The following PLVAP variants were observed in gnomAD, a reference collection of about 807,000 sequenced individuals.
PLVAP encodes the protein plasmalemma vesicle associated protein, also known as plasmalemma vesicle-associated protein.
In PLVAP, 34 loss-of-function variants were observed where a neutral mutation model predicts 43.1. The observed-to-expected ratio is 0.79, with a 90% CI of 0.60 to 1.05. The LOEUF is 1.05. Among genes scored for constraint, PLVAP ranks in the 50% least tolerant of loss-of-function variants. PLVAP has a pLI of 0.00. For synonymous variants in PLVAP, 241 were observed against 237.3 expected (o/e 1.02, Z -0.14); for missense variants, 574 against 593.4 (o/e 0.97, Z 0.34).
At position 17,377,234 on chromosome 19, in the gene PLVAP, G is replaced by A. The variant is rs199848268; in HGVS notation, c.55C>T (p.Arg19Trp). The A allele has an allele frequency of 3.3e-5, 54 of 1,613,974 alleles. No homozygotes were observed. The highest frequency in any genetic ancestry group is 3.3e-5 in the South Asian group (3 of 91,084). The change falls in exon 1 of 6, where the codon CGG becomes TGG. Residue 19 changes from arginine (R) to tryptophan (W), a missense_variant. Physicochemically the swap from Arg to Trp is moderately radical, Grantham distance 101. Coordinates refer to ENST00000252590, the MANE Select transcript of PLVAP (RefSeq NM_031310.3). ...TAGCGCAGGTAATACCAGCAGCCCC[G>A]AGAGCTGCCCCCCGCCCGAGCGTAG... ...GSYARAGGSS[R>W]GCWYYLRYFF...
chr19:17,360,859 G>T lies in PLVAP; in HGVS notation c.1180-27C>A, dbSNP rs571079191. The T allele has an allele frequency of 1.3e-4, 209 of 1,601,312 alleles. 5 individuals are homozygous for T. In the South Asian group the frequency reaches 2.2e-3, roughly 17 times the overall value. On this transcript the variant is annotated intron_variant, in intron 3 of 5. Coordinates refer to ENST00000252590, the MANE Select transcript of PLVAP (RefSeq NM_031310.3). The stretch of plus-strand genomic sequence containing the variant: ...TGTGAAAGAAAGATGGAGGGAGGTT[G>T]GTAGGAGCCAGGGCTTCCCAGACAG...
intron 5 of PLVAP, among the ~76,000 whole-genome samples, chr19:17,353,690 C>T (rs1236829438): frequency 6.6e-6 from 1 of 152,176 alleles, no homozygotes; most frequent in Non-Finnish European, 1.5e-5. Context: ...GTAGCCTGCC[C>T]TGTCTCTGGT....
chr19:17,362,983 C>G (rs1037960015), intron 3 of PLVAP, among the ~76,000 whole-genome samples: 2 of 152,122 alleles, frequency 1.3e-5, no homozygotes, highest in African/African-American at 4.8e-5. Flanking sequence ...GATTTTAACT[C>G]CGACCCTAAC....
At chr19:17,358,933 C>T (rs2074516917) in intron 5 of PLVAP, among the ~76,000 whole-genome samples, 3 of 151,204 alleles carry the variant, frequency 2.0e-5, no homozygotes, top group Admixed American at 6.6e-5. Flanking sequence ...CTGAGTAGCT[C>T]GGACTACAGG....
intron 5 of PLVAP, among the ~76,000 whole-genome samples, chr19:17,358,430 A>T (rs991033758): frequency 6.6e-6 from 1 of 152,178 alleles, no homozygotes; most frequent in African/African-American, 2.4e-5. Context: ...CAAAATGGTC[A>T]TAGGCACAGT....
intron 5 of PLVAP, among the ~76,000 whole-genome samples, chr19:17,355,113 A>G (rs2074501247): frequency 6.7e-6 from 1 of 149,176 alleles, no homozygotes; most frequent in Non-Finnish European, 1.5e-5. Flanking sequence ...AATCCCAGCT[A>G]CTCGGGAGGC....
intron 5 of PLVAP, among the ~76,000 whole-genome samples, chr19:17,357,605 A>G (rs2074511571): frequency 6.6e-6 from 1 of 152,170 alleles, no homozygotes; most frequent in Admixed American, 6.5e-5. Flanking sequence ...TCGAGGCTGC[A>G]GTGAGCTATG....
intron 1 of PLVAP, among the ~76,000 whole-genome samples, chr19:17,369,881 T>C (rs1376110458): frequency 1.3e-5 from 2 of 150,662 alleles, no homozygotes; most frequent in Non-Finnish European, 2.9e-5. Context: ...CAGGTGCCTG[T>C]AATCCCAGCT....
intron 3 of PLVAP, among the ~76,000 whole-genome samples, chr19:17,361,808 G>A (rs909727093): frequency 1.2e-4 from 18 of 151,974 alleles, no homozygotes; most frequent in African/African-American, 3.6e-4. Context: ...GGTGGCTCAC[G>A]CCCGTAATCC....
intron 5 of PLVAP, among the ~76,000 whole-genome samples, chr19:17,357,891 G>A (rs1205928270): frequency 6.6e-6 from 1 of 152,108 alleles, no homozygotes; most frequent in Non-Finnish European, 1.5e-5. Context: ...ACGTCATTTC[G>A]GGGTAAACAA....
At chr19:17,360,423 A>T in intron 5 of PLVAP, 105 bp downstream of exon 5, 3 of 1,224,876 alleles carry the variant, frequency 2.4e-6, no homozygotes, top group Non-Finnish European at 3.6e-6. Context: ...GTGCTCAATT[A>T]AGGAAGAAGC....
chr19:17,366,995 T>G (rs949103778), intron 1 of PLVAP, among the ~76,000 whole-genome samples: 39 of 145,728 alleles, frequency 2.7e-4, no homozygotes, highest in African/African-American at 9.0e-4. Flanking sequence ...CAGGCTGGAG[T>G]GCAGTGGCCT....
At position 17,377,219 on chromosome 19, in the gene PLVAP, A is replaced by G. The variant is rs1339019179; in HGVS notation, c.70T>C (p.Tyr24His). The change falls in exon 1 of 6, where the codon TAC (tyrosine) becomes CAC (histidine). Residue 24 changes from tyrosine (Y) to histidine (H), a missense_variant. Transcript: ENST00000252590. ...ACGAAGAGGAAGAAGTAGCGCAGGTAATACCAGCAGCCCCGAGAGCTGCCC... is the reference window on the plus strand; with the variant it reads ...ACGAAGAGGAAGAAGTAGCGCAGGTGATACCAGCAGCCCCGAGAGCTGCCC... ...AGGSSRGCWYYLRYFFLFVSL... is the reference protein window; with the variant it reads ...AGGSSRGCWYHLRYFFLFVSL... 2 of 1,614,120 alleles carry G rather than the reference A, an allele frequency of 1.2e-6. No individual in the cohort carries two copies. The highest frequency in any genetic ancestry group is 2.2e-5 in the East Asian group (1 of 44,872).
At chr19:17,363,000 C>A (rs1353535181) in intron 3 of PLVAP, among the ~76,000 whole-genome samples, 1 of 152,168 alleles carries the variant, frequency 6.6e-6, no homozygotes, top group Non-Finnish European at 1.5e-5. Flanking sequence ...TAACCCCAAT[C>A]CTCATCCCAG....
At chr19:17,372,630 G>C (rs568390846) in intron 1 of PLVAP, among the ~76,000 whole-genome samples, 1 of 148,940 alleles carries the variant, frequency 6.7e-6, no homozygotes, top group Non-Finnish European at 1.5e-5. Flanking sequence ...CTAATTTTTC[G>C]TATTTTTAGT....
chr19:17,374,126 A>T (rs1356546090), intron 1 of PLVAP, among the ~76,000 whole-genome samples: 3 of 151,824 alleles, frequency 2.0e-5, no homozygotes, highest in African/African-American at 7.3e-5. Context: ...CTTCCACTGC[A>T]CTCCAGCCTT....
intron 1 of PLVAP, among the ~76,000 whole-genome samples, chr19:17,371,875 T>G (rs970565374): frequency 2.6e-5 from 4 of 152,148 alleles, no homozygotes; most frequent in African/African-American, 9.7e-5. Flanking sequence ...AGAAATATAA[T>G]AAGACATGAA....
At chr19:17,353,338 C>T (rs1301265291) in intron 5 of PLVAP, among the ~76,000 whole-genome samples, 2 of 152,180 alleles carry the variant, frequency 1.3e-5, no homozygotes, top group Non-Finnish European at 2.9e-5. Flanking sequence ...TGTCCTGGTC[C>T]CCAGCTCTTT....
At chr19:17,375,354 C>G (rs1451222635) in intron 1 of PLVAP, among the ~76,000 whole-genome samples, 1 of 152,088 alleles carries the variant, frequency 6.6e-6, no homozygotes, top group Admixed American at 6.6e-5. Context: ...GGGCTCAGGA[C>G]TGCCAATTAA....
Sources: gnomAD v4.1 joint callset for allele counts (sites outside exome capture counted in the v4.1 genomes callset) on GRCh38, gnomAD v4.1.1 for gene constraint, MANE v1.5 for transcripts, NCBI Gene and HGNC (gene_info 2026-07-23, HGNC 2026-07-21) for gene names.